DLG2: variants seen among roughly 807,000 people sequenced by gnomAD.
The protein encoded by DLG2 is discs large MAGUK scaffold protein 2.
In DLG2, 45 loss-of-function variants were observed where a neutral mutation model predicts 132.5. The observed-to-expected ratio is 0.34, with a 90% confidence interval of 0.27 to 0.44. DLG2 has a LOEUF of 0.44. DLG2 is among the 20% of genes least tolerant of loss of function. DLG2 has a pLI of 1.00. For missense variants in DLG2, 1,045 were observed against 1,196.9 expected (o/e 0.87, Z 1.87); for synonymous variants, 424 against 419.6 (o/e 1.01, Z -0.13).
chr11:85,090,741 T>C (rs1236504367), intron 6 of DLG2, among the ~76,000 whole-genome samples: 2 of 152,200 alleles, frequency 1.3e-5, no homozygotes, highest in Non-Finnish European at 2.9e-5. Context: ...AAAGCAATTA[T>C]CACCAAAAAG....
chr11:84,129,747 A>T (rs1407365591), intron 9 of DLG2, among the ~76,000 whole-genome samples: 2 of 152,044 alleles, frequency 1.3e-5, no homozygotes, highest in Non-Finnish European at 2.9e-5. Context: ...AGGGAATAAG[A>T]TCTACATTTT....
At chr11:84,208,151 A>T (rs1459741679) in intron 8 of DLG2, among the ~76,000 whole-genome samples, 1 of 152,086 alleles carries the variant, frequency 6.6e-6, no homozygotes, top group Non-Finnish European at 1.5e-5. Flanking sequence ...TTTTACTTTT[A>T]CTATATATTT....
At chr11:83,848,556 C>T (rs2059087785) in intron 16 of DLG2, among the ~76,000 whole-genome samples, 1 of 152,146 alleles carries the variant, frequency 6.6e-6, no homozygotes, top group African/African-American at 2.4e-5. Flanking sequence ...CTCTACTGCT[C>T]ATCTAGTACT....
At chr11:85,300,439 A>C (rs2079517878) in intron 3 of DLG2, among the ~76,000 whole-genome samples, 1 of 152,150 alleles carries the variant, frequency 6.6e-6, no homozygotes, top group Non-Finnish European at 1.5e-5. Context: ...CTACAGGAAA[A>C]GCTAGAGTCT....
rs72953954 is a variant in DLG2 at position 85,497,416 on chromosome 11, T to A, written c.40+101241A>T. Among the ~76,000 whole-genome samples the A allele has an allele frequency of 5.9e-3, 894 of 151,706 alleles. 2 individuals carry two copies. Among genetic ancestry groups the A allele is most frequent in the Middle Eastern group, 0.014 (4 of 294 alleles). ...AGAAAAGAACAAAGCCTCCAAGAAA[T>A]CTGGAACTACGTGAACAGGCCAAAT... On this transcript the variant is annotated intron_variant, in intron 3 of 27. Transcript: ENST00000376104.
intron 6 of DLG2, among the ~76,000 whole-genome samples, chr11:84,650,653 G>C (rs1565559885): frequency 6.6e-6 from 1 of 151,922 alleles, no homozygotes; most frequent in Non-Finnish European, 1.5e-5. Flanking sequence ...AGAGAGCTAT[G>C]CTCCTTCTTG....
At chr11:85,222,861 G>T (rs1013268420) in intron 4 of DLG2, among the ~76,000 whole-genome samples, 8 of 152,034 alleles carry the variant, frequency 5.3e-5, no homozygotes, top group Non-Finnish European at 1.0e-4. Context: ...GCTAACAAAT[G>T]GGTCAAGTTA....
At chr11:84,994,153 T>C (rs1051921009) in intron 6 of DLG2, among the ~76,000 whole-genome samples, 3 of 152,188 alleles carry the variant, frequency 2.0e-5, no homozygotes, top group Non-Finnish European at 4.4e-5. Context: ...TGGGATTGGT[T>C]TGGGACCAAA....
intron 6 of DLG2, among the ~76,000 whole-genome samples, chr11:84,622,081 A>G (rs558405883): frequency 5.9e-5 from 9 of 152,180 alleles, no homozygotes; most frequent in Non-Finnish European, 1.3e-4. Context: ...GCATTGTTTG[A>G]TATAATTTTG....
At chr11:84,726,364 G>A (rs140676685) in intron 6 of DLG2, among the ~76,000 whole-genome samples, 3,819 of 152,202 alleles carry the variant, frequency 0.025, 168 homozygotes, top group African/African-American at 0.088. Context: ...AACATGCGGT[G>A]CTTGGTTTTC....
chr11:83,507,792 A>ATATATATG (rs2094806222), intron 21 of DLG2, among the ~76,000 whole-genome samples: 1 of 99,256 alleles, frequency 1.0e-5, no homozygotes, highest in African/African-American at 3.9e-5. Flanking sequence ...ATATATATAT[A>ATATATATG]TATATATGTA....
intron 10 of DLG2, among the ~76,000 whole-genome samples, chr11:84,070,557 C>T (rs2096740909): frequency 6.6e-6 from 1 of 152,172 alleles, no homozygotes; most frequent in East Asian, 1.9e-4. Flanking sequence ...CAAATCTACT[C>T]CAATCCCAGA....
intron 7 of DLG2, among the ~76,000 whole-genome samples, chr11:84,301,698 G>T (rs536991083): frequency 1.3e-5 from 2 of 150,590 alleles, no homozygotes; most frequent in African/African-American, 4.9e-5. Flanking sequence ...ACAGATGCTG[G>T]AGAGGATGTG....
intron 26 of DLG2, among the ~76,000 whole-genome samples, chr11:83,465,354 G>A (rs963729888): frequency 6.6e-6 from 1 of 152,134 alleles, no homozygotes; most frequent in Non-Finnish European, 1.5e-5. Context: ...GTCTTCAGAG[G>A]AGACACAGAA....
At chr11:83,490,768 T>C (rs2093794107) in intron 21 of DLG2, among the ~76,000 whole-genome samples, 3 of 151,872 alleles carry the variant, frequency 2.0e-5, no homozygotes, top group Admixed American at 1.3e-4. Flanking sequence ...GTCAATGTCA[T>C]GAAAACTATA....
At chr11:83,753,824 CATATATATAT>C (rs2093477902) in intron 18 of DLG2, among the ~76,000 whole-genome samples, 1 of 36,722 alleles carries the variant, frequency 2.7e-5, no homozygotes, top group Admixed American at 2.8e-4. Context: ...ATATATATTT[CATATATATAT>C]GATATATATC....
At position 84,380,569 on chromosome 11, in the gene DLG2, T is replaced by TA. The variant is rs544053358; in HGVS notation, c.520-129279dup. Among the ~76,000 whole-genome samples, 13 of 151,954 alleles carry TA rather than the reference T, an allele frequency of 8.6e-5. No individual in the cohort carries two copies. In the East Asian group the frequency reaches 2.3e-3, roughly 27 times the overall value. On this transcript the variant is annotated intron_variant, in intron 7 of 27. Transcript: ENST00000376104. ...AATATTACAATATGTGGAATGCTGC[T>TA]AAAATGATTGAAAGAAGAAAACTTA...
intron 3 of DLG2, among the ~76,000 whole-genome samples, chr11:85,381,031 A>G (rs11825350): frequency 0.016 from 2,436 of 152,288 alleles, 56 homozygotes; most frequent in African/African-American, 0.053. Flanking sequence ...GTAAAAATGA[A>G]TATTTCTCTA....
intron 6 of DLG2, among the ~76,000 whole-genome samples, chr11:84,541,021 T>C (rs1194437500): frequency 1.3e-5 from 2 of 151,866 alleles, no homozygotes; most frequent in African/African-American, 2.4e-5. Flanking sequence ...GTGGGGAACA[T>C]CACACACCGG....
Sources: allele counts gnomAD v4.1 joint callset (sites outside exome capture counted in the v4.1 genomes callset), GRCh38; gene constraint gnomAD v4.1.1; transcripts MANE v1.5; gene names NCBI Gene and HGNC (gene_info 2026-07-23, HGNC 2026-07-21).